The following ZFHX3 variants were observed in gnomAD, a reference collection of about 807,000 sequenced individuals.
ZFHX3 encodes zinc finger homeobox 3, also known as zinc finger homeobox protein 3.
In ZFHX3, 42 loss-of-function variants were observed where a neutral mutation model predicts 279.1. The observed-to-expected ratio is 0.15, with a 90% CI of 0.12 to 0.19. ZFHX3 has a LOEUF of 0.19. Ranked by LOEUF, ZFHX3 falls within the 10% of genes least tolerant of loss-of-function variation. The pLI is 1.00. For missense variants in ZFHX3, 4,981 were observed against 4,754.0 expected (o/e 1.05, Z -1.40); for synonymous variants, 2,293 against 1,957.8 (o/e 1.17, Z -4.52).
chr16:73,809,305 C>T (rs1597125390), intron 1 of ZFHX3: 1 of 152,210 alleles, frequency 6.6e-6, no homozygotes, highest in South Asian at 2.1e-4. Context: ...TACGGTGACA[C>T]TGTAACCTCC....
At chr16:73,483,878 G>A (rs1263749320) in intron 2 of ZFHX3, among the ~76,000 whole-genome samples, 1 of 151,480 alleles carries the variant, frequency 6.6e-6, no homozygotes, top group Non-Finnish European at 1.5e-5. Context: ...AAGAAGAAAA[G>A]CGCAGGCGGC....
chr16:73,313,503 C>G (rs1050519353), intron 4 of ZFHX3, among the ~76,000 whole-genome samples: 1 of 152,302 alleles, frequency 6.6e-6, no homozygotes, highest in Admixed American at 6.5e-5. Flanking sequence ...GGATGTCTCT[C>G]TTATTGTCCC....
At chr16:73,682,991 AAAAGAAAG>A (rs796634470) in intron 1 of ZFHX3, among the ~76,000 whole-genome samples, 7 of 42,378 alleles carry the variant, frequency 1.7e-4, no homozygotes, top group African/African-American at 4.5e-4. Context: ...AGAAAGAAAG[AAAAGAAAG>A]AAAGAAAGAA....
At chr16:73,210,965 A>G (rs577067258) in intron 5 of ZFHX3, among the ~76,000 whole-genome samples, 1 of 152,290 alleles carries the variant, frequency 6.6e-6, no homozygotes, top group African/African-American at 2.4e-5. Flanking sequence ...GTCTCTACTC[A>G]ACTTTCCCAT....
intron 2 of ZFHX3, among the ~76,000 whole-genome samples, chr16:73,672,267 G>A (rs1054670101): frequency 3.3e-5 from 5 of 152,202 alleles, no homozygotes; most frequent in Admixed American, 2.6e-4. Flanking sequence ...GAACAAGATC[G>A]TTCTGGGAAC....
chr16:73,725,438 C>T (rs2053509957), intron 1 of ZFHX3, among the ~76,000 whole-genome samples: 1 of 152,060 alleles, frequency 6.6e-6, no homozygotes, highest in Admixed American at 6.5e-5. Context: ...AAGCTTGGAG[C>T]CAACTGTGGT....
intron 1 of ZFHX3, among the ~76,000 whole-genome samples, chr16:73,811,820 G>C (rs1466766396): frequency 6.6e-6 from 1 of 152,030 alleles, no homozygotes; most frequent in Non-Finnish European, 1.5e-5. Context: ...GCTATCTTTT[G>C]GTGGTTCAGT....
chr16:73,640,000 G>A (rs1415794948), intron 2 of ZFHX3, among the ~76,000 whole-genome samples: 1 of 152,162 alleles, frequency 6.6e-6, no homozygotes, highest in Admixed American at 6.5e-5. Flanking sequence ...CCAAAAGTTC[G>A]TGGAAAGAGC....
chr16:72,855,629 C>G (rs761995463), intron 4 of ZFHX3, among the ~76,000 whole-genome samples: 6 of 152,142 alleles, frequency 3.9e-5, no homozygotes, highest in African/African-American at 1.2e-4. Context: ...ATCTGGAAAT[C>G]GAGAGAAACC....
chr16:73,646,779 T>A (rs1300930796), intron 2 of ZFHX3, among the ~76,000 whole-genome samples: 1 of 152,058 alleles, frequency 6.6e-6, no homozygotes, highest in Non-Finnish European at 1.5e-5. Flanking sequence ...AAACAAAAAA[T>A]TTCAATAGAC....
chr16:73,071,073 C>T (rs1047465745), intron 8 of ZFHX3, among the ~76,000 whole-genome samples: 1 of 133,742 alleles, frequency 7.5e-6, no homozygotes, highest in Admixed American at 7.6e-5. Flanking sequence ...ATTGAGCCCT[C>T]ACTCTTTTAA....
intron 4 of ZFHX3, among the ~76,000 whole-genome samples, chr16:73,265,324 ATGGGAGGAGCCATGCTGG>A (rs2013946282): frequency 6.6e-6 from 1 of 152,000 alleles, no homozygotes; most frequent in African/African-American, 2.4e-5. Flanking sequence ...AGCCATGCTG[ATGGGAGGAGCCATGCTGG>A]TGGGAGGAGC....
intron 7 of ZFHX3, among the ~76,000 whole-genome samples, chr16:73,124,135 T>C (rs181533510): frequency 1.1e-4 from 16 of 152,236 alleles, no homozygotes; most frequent in Admixed American, 2.0e-4. Flanking sequence ...AGAGCTATTA[T>C]AATAGTGTGT....
chr16:73,427,274 A>G (rs1168552757), intron 3 of ZFHX3, among the ~76,000 whole-genome samples: 1 of 152,134 alleles, frequency 6.6e-6, no homozygotes, highest in African/African-American at 2.4e-5. Context: ...TGTGAGTGGT[A>G]AGGTCATGTG....
Position 72,795,206 on chromosome 16 carries a change from G to A in ZFHX3, c.7476C>T (p.Cys2492=), listed in dbSNP as rs1282591371. ...QPPPQAPPPQ[C]PLPQSSPSPS... ...GACTGGGGCTCGACTGGGGTAAGGG[G>A]CACTGTGGAGGGGGCGCTTGTGGAG... is the stretch of plus-strand genomic sequence containing the variant. The change falls in exon 9 of 10, where the codon TGC becomes TGT. Residue 2492 remains cysteine (C), a synonymous_variant. Transcript: ENST00000268489. 2 of 1,607,406 alleles carry A rather than the reference G, an allele frequency of 1.2e-6. No individual in the cohort carries two copies. Among genetic ancestry groups the A allele is most frequent in the African/African-American group, 2.7e-5 (2 of 74,660 alleles).
intron 3 of ZFHX3, among the ~76,000 whole-genome samples, chr16:73,350,870 G>A (rs891748524): frequency 2.6e-5 from 4 of 152,146 alleles, no homozygotes; most frequent in African/African-American, 9.7e-5. Flanking sequence ...GGAAGTCTGG[G>A]CAATCCCAGA....
intron 3 of ZFHX3, among the ~76,000 whole-genome samples, chr16:73,395,635 A>T (rs1428374674): frequency 6.6e-6 from 1 of 152,102 alleles, no homozygotes; most frequent in Non-Finnish European, 1.5e-5. Context: ...AACTATTAGC[A>T]AATGGATTAT....
At chr16:73,462,336 G>T (rs1179977840) in intron 2 of ZFHX3, among the ~76,000 whole-genome samples, 2 of 152,184 alleles carry the variant, frequency 1.3e-5, no homozygotes, top group Non-Finnish European at 1.5e-5. Flanking sequence ...GATTTTCAAT[G>T]TTGACAATTA....
chr16:73,325,996 G>A (rs908414635), intron 3 of ZFHX3, among the ~76,000 whole-genome samples: 1 of 151,712 alleles, frequency 6.6e-6, no homozygotes, highest in East Asian at 1.9e-4. Context: ...TATCGTGAGA[G>A]CCTCATGTGA....
Sources: allele counts gnomAD v4.1 joint callset (sites outside exome capture counted in the v4.1 genomes callset), GRCh38; gene constraint gnomAD v4.1.1; transcripts MANE v1.5; gene names NCBI Gene and HGNC (gene_info 2026-07-23, HGNC 2026-07-21).